The following DPH7 variants were observed in gnomAD, a reference collection of about 807,000 sequenced individuals.
DPH7 encodes diphthine methyltransferase.
In DPH7, 44 loss-of-function variants were observed where a neutral mutation model predicts 41.7. The ratio of observed to expected loss-of-function variants is 1.05; its 90% CI spans 0.83 to 1.36. The LOEUF (loss-of-function observed/expected upper bound fraction) is 1.36. DPH7 is among the 40% of genes most tolerant of loss of function. DPH7 has a pLI of 0.00. For missense variants in DPH7, 629 were observed against 577.5 expected, an observed-to-expected ratio of 1.09 and a Z score of -0.91; for synonymous variants, 275 against 238.0, an observed-to-expected ratio of 1.16 and a Z score of -1.43.
chr9:137,564,778 G>A (rs1839277786), intron 7 of DPH7, 115 bp downstream of exon 7: 17 of 1,433,644 alleles, frequency 1.2e-5, no homozygotes, highest in Admixed American at 7.9e-5. Context: ...ACTGGCAGAC[G>A]AAATGCTGCA....
Position 137,574,210 on chromosome 9 carries a change from G to A in DPH7, c.638C>T (p.Ser213Leu). 1 of 1,614,016 alleles carries A rather than the reference G, an allele frequency of 6.2e-7. No individual in the cohort carries two copies. Among genetic ancestry groups the A allele is most frequent in the South Asian group, 1.1e-5 (1 of 91,066 alleles). ...GTGACCGGTGGAGGAATACTGACCT[G>A]AATACACAATTTCTGGATGCCAGTA... ...FNYWHPEIVYSGGDDGLLRGW... is the reference protein window; with the variant it reads ...FNYWHPEIVYLGGDDGLLRGW... Residue 213 changes from serine (S) to leucine (L), a missense_variant and splice_region_variant, in exon 5 of 9, where the codon TCA (serine) becomes TTA (leucine). By Grantham distance (145) the Ser-to-Leu change is moderately radical. Coordinates refer to ENST00000277540, the MANE Select transcript of DPH7 (RefSeq NM_138778.5).
chr9:137,576,170 G>C lies in DPH7; in HGVS notation c.288-3C>G, dbSNP rs1302910242. On this transcript the variant is annotated splice_polypyrimidine_tract_variant and splice_region_variant and intron_variant, in intron 2 of 8. Transcript: ENST00000277540. ...GTCCAGCCACCGGGATGTGACACCTGAGGAGAGGGCCCACCATAAGCACAC... is the reference window on the plus strand; with the variant it reads ...GTCCAGCCACCGGGATGTGACACCTCAGGAGAGGGCCCACCATAAGCACAC... 6.2e-7 allele frequency: 1 copy of C among 1,613,530 alleles called. No individual in the cohort carries two copies. The highest frequency in any genetic ancestry group is 2.2e-5 in the East Asian group (1 of 44,888).
Position 137,575,068 on chromosome 9 carries a change from C to G in DPH7, c.376-225G>C, listed in dbSNP as rs1045978712. On this transcript the variant is annotated intron_variant, in intron 3 of 8. Coordinates refer to ENST00000277540, the MANE Select transcript of DPH7 (RefSeq NM_138778.5). ...CACACTCCTCACACTTGCAGGACAA[C>G]TTTCCCACAGGCTTGATCTTGGGGC... 4 of 1,330,760 alleles carry G rather than the reference C, an allele frequency of 3.0e-6. No individual in the cohort carries two copies. The African/African-American group carries it at 6.0e-5, about 20-fold the overall frequency. 82.4% of individuals were successfully genotyped at this position (1,330,760 alleles called of 1,614,324 possible).
Position 137,556,299 on chromosome 9 carries a change from C to T in DPH7, c.950-651G>A, listed in dbSNP as rs1430214760. On this transcript the variant is annotated intron_variant, in intron 8 of 8. Transcript: ENST00000277540. The surrounding 1 kb of genome is among the most constrained non-coding windows in gnomAD (Gnocchi z 5.2). ...GGGAATGACGAGGCGTGGCCAAACC[C>T]GAGGCGATCTGGAGTCCAGGAGGCA... 1.3e-5 allele frequency among the ~76,000 whole-genome samples: 2 copies of T among 152,196 alleles called. No individual in the cohort carries two copies. Among genetic ancestry groups the T allele is most frequent in the Non-Finnish European group, 2.9e-5 (2 of 68,030 alleles).
At chr9:137,560,832 G>A (rs1838400556) in intron 8 of DPH7, among the ~76,000 whole-genome samples, 1 of 148,814 alleles carries the variant, frequency 6.7e-6, no homozygotes, top group South Asian at 2.2e-4. Context: ...CTCCAGCCTG[G>A]GTGACACAGT....
At chr9:137,577,304 T>G (rs1175943017) in intron 2 of DPH7, among the ~76,000 whole-genome samples, 166 bp downstream of exon 2, 2 of 151,908 alleles carry the variant, frequency 1.3e-5, no homozygotes, top group Non-Finnish European at 2.9e-5. Context: ...ACAAAGGAAA[T>G]AAGCCCCAGG....
At chr9:137,573,710 A>G (rs1303734983) in intron 5 of DPH7, among the ~76,000 whole-genome samples, 3 of 142,338 alleles carry the variant, frequency 2.1e-5, no homozygotes, top group African/African-American at 8.1e-5. Flanking sequence ...AAAAAAAAAA[A>G]GAATAGCTAA....
intron 5 of DPH7, among the ~76,000 whole-genome samples, chr9:137,570,758 C>T (rs1276553421): frequency 6.6e-6 from 1 of 152,162 alleles, no homozygotes; most frequent in African/African-American, 2.4e-5. Context: ...GGCTACTCTT[C>T]TGCCATAGCA....
At chr9:137,565,027 T>A in intron 6 of DPH7, 58 bp downstream of exon 6, 3 of 1,611,780 alleles carry the variant, frequency 1.9e-6, no homozygotes, top group Non-Finnish European at 2.5e-6. Flanking sequence ...GGAGGGCTGG[T>A]GACCCAGGGA....
At chr9:137,561,007 G>A (rs1838450691) in intron 8 of DPH7, among the ~76,000 whole-genome samples, 1 of 116,046 alleles carries the variant, frequency 8.6e-6, no homozygotes, top group Non-Finnish European at 1.6e-5. Flanking sequence ...GGGCAACAGA[G>A]CAAGACCCCA....
At chr9:137,573,360 C>CAAAAAAAAAA (rs34523698) in intron 5 of DPH7, among the ~76,000 whole-genome samples, 9 of 40,276 alleles carry the variant, frequency 2.2e-4, no homozygotes, top group Admixed American at 3.8e-4. Context: ...GACTCCATCT[C>CAAAAAAAAAA]AAAAAAAAAA....
intron 5 of DPH7, among the ~76,000 whole-genome samples, chr9:137,570,361 G>A (rs996013893): frequency 3.9e-5 from 6 of 152,200 alleles, no homozygotes; most frequent in Admixed American, 2.0e-4. Context: ...CTCCACTCTC[G>A]CATGCCCCAC....
chr9:137,574,026 A>C (rs1260001897), intron 5 of DPH7, among the ~76,000 whole-genome samples, 182 bp downstream of exon 5: 2 of 152,216 alleles, frequency 1.3e-5, no homozygotes, highest in Non-Finnish European at 2.9e-5. Flanking sequence ...ACATCGTGCC[A>C]CTGCACTCTA....
Position 137,578,817 on chromosome 9 carries a change from G to A in DPH7, c.-40C>T. 1 of 1,394,740 alleles carries A rather than the reference G, an allele frequency of 7.2e-7. No homozygotes were observed. The highest frequency in any genetic ancestry group is 3.1e-5 in the East Asian group (1 of 32,772). 86.4% of individuals were successfully genotyped at this position (1,394,740 alleles called of 1,614,324 possible). A position where few individuals can be genotyped will look rare whatever the true frequency, so the allele number is the denominator to read the frequency against. ...AGGGCGCGGAGCCGGCAGTAGAGGC[G>A]GGTCGGCGGGGCCGGGCTGGGTACT... On this transcript the variant is annotated 5_prime_UTR_variant, in exon 1 of 9. Transcript: ENST00000277540.
At position 137,578,640 on chromosome 9, in the gene DPH7, G is replaced by A; in HGVS notation, c.138C>T (p.Ala46=). The change falls in exon 1 of 9, where the codon GCC becomes GCT. Residue 46 remains alanine (A), a synonymous_variant. Transcript: ENST00000277540. ...YQLRRPEDRP[A]GPQNKGGMEV... ...GCGCGCGCACCTTGTTCTGGGGGCC[G>A]GCAGGCCGGTCCTCCGGCCGCCGCA... The A allele has an allele frequency of 1.3e-6, 2 of 1,488,836 alleles. No homozygotes were observed. Among genetic ancestry groups the A allele is most frequent in the Non-Finnish European group, 1.8e-6 (2 of 1,121,288 alleles). 92.2% of individuals were successfully genotyped at this position (1,488,836 alleles called of 1,614,324 possible).
chr9:137,577,684 T>C, intron 1 of DPH7, 81 bp from the exon 2 acceptor site: 1 of 1,550,166 alleles, frequency 6.5e-7, no homozygotes, highest in Non-Finnish European at 8.8e-7. Flanking sequence ...TCCAAGGAAC[T>C]CAAAGGTTTG....
intron 8 of DPH7, among the ~76,000 whole-genome samples, chr9:137,557,074 GT>G (rs1333878367): frequency 4.6e-5 from 7 of 152,214 alleles, no homozygotes; most frequent in Admixed American, 2.6e-4. Context: ...ATGCCCCCTA[GT>G]TTTTTCTATT....
rs577268013 is a variant in DPH7, at chr9:137,564,434, C to G, written c.949G>C (p.Glu317Gln). Residue 317 changes from glutamate (E) to glutamine (Q), a missense_variant and splice_region_variant, in exon 8 of 9, where the codon GAG (glutamate) becomes CAG (glutamine). Glu to Gln is a conservative substitution (Grantham distance 29). Coordinates refer to ENST00000277540, the MANE Select transcript of DPH7 (RefSeq NM_138778.5). ...FKILNCQKAM[E>Q]ERQEATVLTS... ...CCAGCAGCCACGGGTCCCCACTCAC[C>G]CATTGCCTTTTGGCAGTTGAGGATC... The G allele has an allele frequency of 1.8e-5, 29 of 1,612,054 alleles. No individual in the cohort carries two copies. The South Asian group carries it at 3.2e-4, about 18-fold the overall frequency.
At chr9:137,558,679 T>C (rs1369544715) in intron 8 of DPH7, among the ~76,000 whole-genome samples, 1 of 152,176 alleles carries the variant, frequency 6.6e-6, no homozygotes, top group Non-Finnish European at 1.5e-5. Flanking sequence ...TTTGGGGTGA[T>C]AGAAAAGTTT....
Sources: gnomAD v4.1 joint callset for allele counts (sites outside exome capture counted in the v4.1 genomes callset) on GRCh38, gnomAD v4.1.1 for gene constraint, Gnocchi (gnomAD v3.1) non-coding constraint, MANE v1.5 for transcripts, NCBI Gene and HGNC (gene_info 2026-07-23, HGNC 2026-07-21) for gene names.